The following GLIS3 variants were observed in gnomAD, a reference collection of about 807,000 sequenced individuals.
GLIS3 encodes the protein GLIS family zinc finger 3.
In GLIS3, 53 loss-of-function variants were observed where a neutral mutation model predicts 78.6. The observed-to-expected ratio is 0.67, with a 90% confidence interval of 0.54 to 0.85. The LOEUF (loss-of-function observed/expected upper bound fraction) is 0.85, where lower values mean the gene tolerates loss of function less well. Among genes scored for constraint, GLIS3 ranks in the 40% least tolerant of loss-of-function variants. The probability of loss-of-function intolerance (pLI) is 0.00; values close to 1 mark genes in which losing one functional copy is unlikely to be tolerated. For missense variants in GLIS3, 1,703 were observed against 1,231.1 expected, an observed-to-expected ratio of 1.38 and a Z score of -5.74; for synonymous variants, 684 against 509.9, an observed-to-expected ratio of 1.34 and a Z score of -4.60.
chr9:4,488,419 C>A, the GLIS3 span, among the ~76,000 whole-genome samples: 19 of 152,236 alleles, frequency 1.2e-4, no homozygotes, highest in African/African-American at 4.1e-4. Flanking sequence ...TGTTGCTTGG[C>A]AGTTCCATAA....
At chr9:4,143,590 A>C (rs2791757) in intron 2 of GLIS3, among the ~76,000 whole-genome samples, 58,441 of 151,732 alleles carry the variant, frequency 0.39, 11,515 homozygotes, top group South Asian at 0.41. Flanking sequence ...AACAAAAAAA[A>C]ACTACTCTCT....
the GLIS3 span, among the ~76,000 whole-genome samples, chr9:4,415,408 A>G: frequency 1.3e-5 from 2 of 152,196 alleles, no homozygotes; most frequent in Non-Finnish European, 2.9e-5. Context: ...AAATGTTCAG[A>G]GTTGTGCACA....
Position 3,937,092 on chromosome 9 carries a change from C to T in GLIS3, c.1808G>A (p.Gly603Asp), listed in dbSNP as rs200631687. Reference protein sequence around the residue: ...GEKPYLCQHPGCQKAFSNSSD... With the variant: ...GEKPYLCQHPDCQKAFSNSSD... The stretch of plus-strand genomic sequence containing the variant: ...GGAGTTACTGAAGGCCTTCTGACAA[C>T]CCGGATGCTGGCACAAATACGGCTT... Residue 603 changes from glycine to aspartate, a missense_variant, in exon 5 of 11, where the codon GGT becomes GAT. Coordinates refer to ENST00000381971, the MANE Select transcript of GLIS3 (RefSeq NM_001042413.2). 63 of 1,613,946 alleles carry T rather than the reference C, an allele frequency of 3.9e-5. No homozygotes were observed. The East Asian group carries it at 7.6e-4, about 19-fold the overall frequency.
At chr9:4,464,481 A>C in the GLIS3 span, among the ~76,000 whole-genome samples, 1 of 151,688 alleles carries the variant, frequency 6.6e-6, no homozygotes, top group Non-Finnish European at 1.5e-5. Context: ...TGCAACCTCC[A>C]CCTCCTGGGC....
chr9:4,210,413 G>T (rs1820276621), intron 2 of GLIS3, among the ~76,000 whole-genome samples: 3 of 152,110 alleles, frequency 2.0e-5, no homozygotes. Flanking sequence ...GCATTATCTG[G>T]GAAAGCATTT....
At chr9:4,419,528 G>A in the GLIS3 span, among the ~76,000 whole-genome samples, 1 of 152,268 alleles carries the variant, frequency 6.6e-6, no homozygotes, top group Non-Finnish European at 1.5e-5. Context: ...GGTGGCTCAT[G>A]CTTGTAATCC....
At chr9:4,032,891 T>C (rs1175468191) in intron 4 of GLIS3, among the ~76,000 whole-genome samples, 2 of 151,872 alleles carry the variant, frequency 1.3e-5, no homozygotes, top group Admixed American at 6.6e-5. Context: ...TCTCGCTCTG[T>C]CGCCCAGGCT....
chr9:4,222,601 A>C (rs558144719), intron 2 of GLIS3, among the ~76,000 whole-genome samples: 1 of 152,304 alleles, frequency 6.6e-6, no homozygotes, highest in East Asian at 1.9e-4. Context: ...GTCATTATCT[A>C]ATGTCAAGTG....
chr9:4,378,206 A>G, the GLIS3 span, among the ~76,000 whole-genome samples: 1 of 151,630 alleles, frequency 6.6e-6, no homozygotes, highest in African/African-American at 2.4e-5. Context: ...GCCAGATACT[A>G]TATATATATA....
the GLIS3 span, among the ~76,000 whole-genome samples, chr9:4,414,613 A>C: frequency 6.6e-6 from 1 of 152,136 alleles, no homozygotes; most frequent in Non-Finnish European, 1.5e-5. Flanking sequence ...TAGACTTTTC[A>C]GAACTTTTTT....
intron 2 of GLIS3, among the ~76,000 whole-genome samples, chr9:4,182,563 G>A (rs1408389162): frequency 1.3e-5 from 2 of 152,202 alleles, no homozygotes; most frequent in Non-Finnish European, 2.9e-5. Context: ...AGCATGGGGA[G>A]TTGTGGGTAT....
At chr9:4,363,294 A>T in the GLIS3 span, among the ~76,000 whole-genome samples, 5 of 152,230 alleles carry the variant, frequency 3.3e-5, no homozygotes, top group African/African-American at 1.2e-4. Context: ...GTGGTGGCAC[A>T]TGCCTGTAGT....
chr9:4,213,762 C>T (rs1820573378), intron 2 of GLIS3, among the ~76,000 whole-genome samples: 1 of 152,018 alleles, frequency 6.6e-6, no homozygotes, highest in African/African-American at 2.4e-5. Flanking sequence ...TATACATGTG[C>T]TCTGAGTGCA....
chr9:3,878,691 G>T (rs1433848834), intron 8 of GLIS3: 1 of 152,260 alleles, frequency 6.6e-6, no homozygotes, highest in Non-Finnish European at 1.5e-5. Flanking sequence ...GAGGTGTGTT[G>T]GACAGCTCGG....
At chr9:4,419,831 AACTC>A in the GLIS3 span, among the ~76,000 whole-genome samples, 41 of 152,148 alleles carry the variant, frequency 2.7e-4, no homozygotes, top group Non-Finnish European at 4.6e-4. Context: ...ATCTCATGAG[AACTC>A]ACTCACTATC....
chr9:4,377,125 T>G, the GLIS3 span, among the ~76,000 whole-genome samples: 1,716 of 135,214 alleles, frequency 0.013, 301 homozygotes, highest in African/African-American at 0.042. Flanking sequence ...AGATAGCTGG[T>G]AAAGCATTGT....
At chr9:4,373,183 T>C in the GLIS3 span, among the ~76,000 whole-genome samples, 5 of 152,340 alleles carry the variant, frequency 3.3e-5, no homozygotes, top group South Asian at 6.2e-4. Flanking sequence ...AAAACTGAAC[T>C]TTCCTGATAG....
intron 2 of GLIS3, among the ~76,000 whole-genome samples, chr9:4,159,997 A>C (rs1016426830): frequency 9.9e-5 from 15 of 152,226 alleles, no homozygotes; most frequent in Non-Finnish European, 2.2e-4. Flanking sequence ...CATTGTGATC[A>C]TCATCACCAT....
At chr9:3,971,038 A>AG (rs1818337954) in intron 4 of GLIS3, among the ~76,000 whole-genome samples, 1 of 135,254 alleles carries the variant, frequency 7.4e-6, no homozygotes, top group Admixed American at 7.6e-5. Context: ...ATCAAAGGAA[A>AG]GAAGGAAGGA....
Sources: allele counts gnomAD v4.1 joint callset (sites outside exome capture counted in the v4.1 genomes callset), GRCh38; gene constraint gnomAD v4.1.1; transcripts MANE v1.5; gene names NCBI Gene and HGNC (gene_info 2026-07-23, HGNC 2026-07-21).